DEUP1: variants seen among roughly 807,000 people sequenced by gnomAD.
DEUP1 encodes the protein deuterosome assembly protein 1.
A neutral mutation model predicts 87.4 loss-of-function variants in DEUP1; 82 were observed. That is an observed-to-expected ratio of 0.94 (90% CI 0.78 to 1.13). The LOEUF (loss-of-function observed/expected upper bound fraction) is 1.13. Among genes scored for constraint, DEUP1 ranks in the 50% most tolerant of loss-of-function variants. The pLI is 0.00. For synonymous variants in DEUP1, 214 were observed against 222.7 expected (o/e 0.96, Z 0.35); for missense variants, 663 against 681.5 (o/e 0.97, Z 0.30).
intron 5 of DEUP1, among the ~76,000 whole-genome samples, chr11:93,364,596 G>T (rs1022846219): frequency 6.6e-6 from 1 of 151,720 alleles, no homozygotes; most frequent in African/African-American, 2.4e-5. Flanking sequence ...ACACCCCTGG[G>T]GTCAGTTAAA....
At chr11:93,391,102 T>C (rs1244811246) in intron 9 of DEUP1, among the ~76,000 whole-genome samples, 1 of 148,290 alleles carries the variant, frequency 6.7e-6, no homozygotes, top group East Asian at 2.0e-4. Flanking sequence ...AAAAAAAAGC[T>C]TCCAAGTGTT....
intron 11 of DEUP1, among the ~76,000 whole-genome samples, chr11:93,406,753 T>A (rs1591237460): frequency 6.6e-6 from 1 of 151,844 alleles, no homozygotes; most frequent in African/African-American, 2.4e-5. Context: ...GTAAAAAAAA[T>A]TCCTTCAAAT....
intron 2 of DEUP1, among the ~76,000 whole-genome samples, chr11:93,344,734 GA>G (rs1189535427): frequency 6.6e-6 from 1 of 151,748 alleles, no homozygotes; most frequent in East Asian, 1.9e-4. Context: ...AAATATTTTA[GA>G]AAATATGCCC....
chr11:93,355,341 A>G lies in DEUP1; in HGVS notation c.30-30A>G, dbSNP rs78902781. 4.1e-3 allele frequency: 6,529 copies of G among 1,606,070 alleles called. 203 individuals carry two copies. The African/African-American group carries it at 0.076, about 19-fold the overall frequency. ...TTTGCCCTCACATTTCACTACTTTA[A>G]AATGTATTTTACTTTCCTACAATTG... On this transcript the variant is annotated intron_variant, in intron 2 of 13. Coordinates refer to ENST00000298050, the MANE Select transcript of DEUP1 (RefSeq NM_181645.4).
chr11:93,332,227 A>G lies in DEUP1; in HGVS notation c.-33A>G. 3.1e-6 allele frequency: 5 copies of G among 1,590,058 alleles called. No homozygotes were observed. Among genetic ancestry groups the G allele is most frequent in the Non-Finnish European group, 4.3e-6 (5 of 1,163,600 alleles). On this transcript the variant is annotated 5_prime_UTR_variant, in exon 2 of 14. Transcript: ENST00000298050. ...TTTCCTCCTAACAGATTAAAAATCA[A>G]GAAATATAAACCAGATGTAGCAGTT...
intron 10 of DEUP1, 75 bp downstream of exon 10, chr11:93,394,731 C>A: frequency 1.1e-6 from 1 of 902,846 alleles, no homozygotes; most frequent in Non-Finnish European, 1.6e-6. Context: ...TCATTATTGA[C>A]TAATGAAAAC....
chr11:93,418,171 A>G (rs1164347396), intron 13 of DEUP1, among the ~76,000 whole-genome samples: 1 of 152,090 alleles, frequency 6.6e-6, no homozygotes, highest in Non-Finnish European at 1.5e-5. Context: ...AAAAGCCAAA[A>G]TTGACAAATG....
chr11:93,348,675 T>C (rs1944478936), intron 2 of DEUP1, among the ~76,000 whole-genome samples: 1 of 152,226 alleles, frequency 6.6e-6, no homozygotes, highest in African/African-American at 2.4e-5. Context: ...ATTTCTAATT[T>C]GACTTTTTCC....
In DEUP1 at chr11:93,437,749, CCCCA is replaced by C. The variant is rs1565360289; in HGVS notation, c.*34_*37del. The C allele has an allele frequency of 3.7e-6, 4 of 1,070,696 alleles. No homozygotes were observed. Among genetic ancestry groups the C allele is most frequent in the South Asian group, 1.5e-5 (1 of 67,940 alleles). The allele number at this position is 1,070,696 out of a possible 1,614,324, so 66.3% of individuals were successfully genotyped here. On this transcript the variant is annotated 3_prime_UTR_variant, in exon 14 of 14. Coordinates refer to ENST00000298050, the MANE Select transcript of DEUP1 (RefSeq NM_181645.4). ...TTAAACTTTTTTATTTGCTTCCCCCCCCCACCCCCGCCAAGAAAAAAAGCTCTGG... is the reference window on the plus strand; with the variant it reads ...TTAAACTTTTTTATTTGCTTCCCCCCCCCCCGCCAAGAAAAAAAGCTCTGG...
chr11:93,365,815 CT>C (rs1591147122), intron 5 of DEUP1, among the ~76,000 whole-genome samples: 2 of 152,130 alleles, frequency 1.3e-5, no homozygotes, highest in African/African-American at 4.8e-5. Flanking sequence ...TTATAGCCAT[CT>C]GATAAATTAA....
At position 93,356,938 on chromosome 11, in the gene DEUP1, C is replaced by A. The variant is rs1944925261; in HGVS notation, c.202-10C>A. ...AGAAAAAGCAAAATTAAATTTTATT[C>A]TTCATGCAGGTAGGGTTACTTCGAC... On this transcript the variant is annotated splice_polypyrimidine_tract_variant and intron_variant, in intron 3 of 13. Coordinates refer to ENST00000298050, the MANE Select transcript of DEUP1 (RefSeq NM_181645.4). The A allele has an allele frequency of 1.9e-6, 3 of 1,559,376 alleles. No individual in the cohort carries two copies. Among genetic ancestry groups the A allele is most frequent in the Non-Finnish European group, 2.6e-6 (3 of 1,148,168 alleles).
intron 7 of DEUP1, among the ~76,000 whole-genome samples, chr11:93,375,566 G>C (rs1159372126): frequency 6.6e-6 from 1 of 152,064 alleles, no homozygotes; most frequent in Admixed American, 6.6e-5. Context: ...TTTTAATTCT[G>C]TTTATGAGGT....
At chr11:93,399,476 A>ATG (rs1947049945) in intron 11 of DEUP1, among the ~76,000 whole-genome samples, 1 of 151,908 alleles carries the variant, frequency 6.6e-6, no homozygotes, top group Non-Finnish European at 1.5e-5. Flanking sequence ...TTTTTCAAAA[A>ATG]GATCTTACCA....
chr11:93,408,670 G>T (rs1947350830), intron 12 of DEUP1, among the ~76,000 whole-genome samples: 1 of 152,040 alleles, frequency 6.6e-6, no homozygotes, highest in South Asian at 2.1e-4. Context: ...GATCTTTTTG[G>T]AAGCTGAGGT....
intron 5 of DEUP1, among the ~76,000 whole-genome samples, chr11:93,369,370 C>A (rs1039478305): frequency 6.7e-6 from 1 of 149,640 alleles, no homozygotes; most frequent in Non-Finnish European, 1.5e-5. Context: ...TCTAAAAAAA[C>A]AAGAGGAGAA....
chr11:93,334,971 C>T (rs1943679969), intron 2 of DEUP1, among the ~76,000 whole-genome samples: 1 of 151,860 alleles, frequency 6.6e-6, no homozygotes, highest in South Asian at 2.1e-4. Flanking sequence ...ATGGTTTATT[C>T]TATCTTGTTC....
intron 1 of DEUP1, among the ~76,000 whole-genome samples, chr11:93,331,628 A>G (rs1006939378): frequency 3.3e-5 from 5 of 152,192 alleles, no homozygotes; most frequent in Non-Finnish European, 7.4e-5. Context: ...TTCTCTTTTA[A>G]TGGGAATTCT....
At chr11:93,363,160 C>A (rs777550500) in intron 4 of DEUP1, among the ~76,000 whole-genome samples, 11 of 151,840 alleles carry the variant, frequency 7.2e-5, no homozygotes, top group Non-Finnish European at 1.5e-4. Context: ...CTTTTTATAA[C>A]ATTCTCAAAA....
intron 2 of DEUP1, among the ~76,000 whole-genome samples, chr11:93,351,395 A>G (rs1213417695): frequency 6.6e-6 from 1 of 152,160 alleles, no homozygotes; most frequent in Non-Finnish European, 1.5e-5. Context: ...AGCGTCTACT[A>G]TGTGCTGTGG....
Sources: allele counts gnomAD v4.1 joint callset (sites outside exome capture counted in the v4.1 genomes callset), GRCh38; gene constraint gnomAD v4.1.1; transcripts MANE v1.5; gene names NCBI Gene and HGNC (gene_info 2026-07-23, HGNC 2026-07-21).